Variants in FAF1 observed in about 807,000 individuals in gnomAD.
FAF1 encodes Fas associated factor 1.
A neutral mutation model predicts 92.5 loss-of-function variants in FAF1; 25 were observed. The ratio of observed to expected loss-of-function variants is 0.27; its 90% CI spans 0.20 to 0.38. The LOEUF is 0.38. Among genes scored for constraint, FAF1 ranks in the 10% least tolerant of loss-of-function variants. The probability of loss-of-function intolerance (pLI) is 1.00; values close to 1 mark genes in which losing one functional copy is unlikely to be tolerated. For missense variants in FAF1, 636 were observed against 793.3 expected, an observed-to-expected ratio of 0.80 and a Z score of 2.38; for synonymous variants, 234 against 273.2, an observed-to-expected ratio of 0.86 and a Z score of 1.42.
intron 1 of FAF1, among the ~76,000 whole-genome samples, chr1:50,926,023 C>T (rs962411985): frequency 1.3e-5 from 2 of 152,136 alleles, no homozygotes; most frequent in African/African-American, 4.8e-5. Context: ...GAAGACCAGG[C>T]TGGGTAACAT....
intron 14 of FAF1, among the ~76,000 whole-genome samples, chr1:50,536,358 CTTCTCTCAAACCTA>C: frequency 6.6e-6 from 1 of 152,176 alleles, no homozygotes; most frequent in African/African-American, 2.4e-5. Context: ...TGACAATTCT[CTTCTCTCAAACCTA>C]CAGGCAGAAA....
At chr1:50,849,191 CG>C (rs1292612146) in intron 2 of FAF1, among the ~76,000 whole-genome samples, 1 of 151,102 alleles carries the variant, frequency 6.6e-6, no homozygotes, top group African/African-American at 2.4e-5. Context: ...CGCTTGAACC[CG>C]GGAAGTGGAG....
intron 13 of FAF1, among the ~76,000 whole-genome samples, chr1:50,545,378 C>T (rs1289848117): frequency 6.6e-6 from 1 of 152,040 alleles, no homozygotes; most frequent in African/African-American, 2.4e-5. Context: ...GAGTGATTCT[C>T]CTGCCTCAGC....
chr1:50,662,400 TAAAG>T (rs1443654773), intron 7 of FAF1, among the ~76,000 whole-genome samples: 2 of 152,210 alleles, frequency 1.3e-5, no homozygotes, highest in Non-Finnish European at 2.9e-5. Context: ...TACTTGGCTA[TAAAG>T]AAATTTGACA....
At chr1:50,664,793 CAAAT>C (rs1028052832) in intron 7 of FAF1, among the ~76,000 whole-genome samples, 20 of 120,154 alleles carry the variant, frequency 1.7e-4, no homozygotes, top group African/African-American at 4.7e-4. Context: ...GACTCCGTCT[CAAAT>C]AAACAAACAA....
In FAF1 at chr1:50,662,647, A is replaced by G. The variant is rs142077187; in HGVS notation, c.658-7119T>C. Among the ~76,000 whole-genome samples, 29 of 151,720 alleles carry G rather than the reference A, an allele frequency of 1.9e-4. No individual in the cohort carries two copies. The East Asian group carries it at 5.6e-3, about 29-fold the overall frequency. On this transcript the variant is annotated intron_variant, in intron 7 of 18. Transcript: ENST00000396153. ...AAGTTAGATATTATTTAAAGTAACA[A>G]CTAATAATCACACATTTATTAAAAT... is the stretch of plus-strand genomic sequence containing the variant.
At chr1:50,848,349 C>T (rs1190296535) in intron 2 of FAF1, among the ~76,000 whole-genome samples, 3 of 152,150 alleles carry the variant, frequency 2.0e-5, no homozygotes, top group Admixed American at 6.5e-5. Flanking sequence ...CCGTATAGGG[C>T]TGTTAAATGA....
At chr1:50,651,083 A>T (rs1654842624) in intron 8 of FAF1, among the ~76,000 whole-genome samples, 2 of 152,182 alleles carry the variant, frequency 1.3e-5, no homozygotes, top group Non-Finnish European at 1.5e-5. Context: ...CCCAAGACTG[A>T]AGTCTATTAG....
intron 1 of FAF1, among the ~76,000 whole-genome samples, chr1:50,883,938 A>C (rs1644635689): frequency 6.6e-6 from 1 of 152,030 alleles, no homozygotes; most frequent in Non-Finnish European, 1.5e-5. Context: ...CAGCCTGGCC[A>C]ACATGGAGAA....
At chr1:50,609,538 C>T (rs1270267901) in intron 8 of FAF1, among the ~76,000 whole-genome samples, 1 of 152,168 alleles carries the variant, frequency 6.6e-6, no homozygotes, top group Non-Finnish European at 1.5e-5. Context: ...GCACATGCCA[C>T]CACATCTGGC....
At chr1:50,898,107 A>G (rs1644770447) in intron 1 of FAF1, among the ~76,000 whole-genome samples, 2 of 152,212 alleles carry the variant, frequency 1.3e-5, no homozygotes, top group Admixed American at 1.3e-4. Flanking sequence ...CAGCAACAGC[A>G]TTAGTTTCAA....
At chr1:50,478,198 C>G (rs191759414) in intron 17 of FAF1, among the ~76,000 whole-genome samples, 7 of 145,300 alleles carry the variant, frequency 4.8e-5, no homozygotes, top group Non-Finnish European at 9.2e-5. Flanking sequence ...GAGTTTCACT[C>G]TGTCGCCCAG....
intron 17 of FAF1, among the ~76,000 whole-genome samples, chr1:50,482,292 A>G (rs535780574): frequency 6.6e-6 from 1 of 152,296 alleles, no homozygotes; most frequent in African/African-American, 2.4e-5. Flanking sequence ...TGTTGAATAT[A>G]TCAGTAGTTT....
chr1:50,888,262 T>C (rs1315363853), intron 1 of FAF1, among the ~76,000 whole-genome samples: 1 of 152,218 alleles, frequency 6.6e-6, no homozygotes, highest in African/African-American at 2.4e-5. Flanking sequence ...CTTATCACCT[T>C]AAGGAGATTT....
chr1:50,743,280 C>T (rs939523525), intron 5 of FAF1, among the ~76,000 whole-genome samples: 3 of 152,112 alleles, frequency 2.0e-5, no homozygotes, highest in East Asian at 1.9e-4. Context: ...AAGCCATTCA[C>T]GAAGAAGAAC....
intron 4 of FAF1, chr1:50,780,799 C>A: frequency 2.6e-6 from 1 of 390,158 alleles, no homozygotes; most frequent in South Asian, 2.0e-5. Flanking sequence ...GATGGACTTA[C>A]GGAGTGAGCA....
At chr1:50,647,167 CATT>C (rs992453240) in intron 8 of FAF1, among the ~76,000 whole-genome samples, 2 of 152,092 alleles carry the variant, frequency 1.3e-5, no homozygotes, top group Admixed American at 1.3e-4. Context: ...CGGACTTCTA[CATT>C]TGAGTCCTGG....
chr1:50,951,106 C>T (rs552293813), intron 1 of FAF1, among the ~76,000 whole-genome samples: 18 of 152,308 alleles, frequency 1.2e-4, no homozygotes, highest in African/African-American at 3.9e-4. Flanking sequence ...TGGTGGCACA[C>T]GCCTGTAATC....
chr1:50,461,631 GC>G (rs1232888407), intron 18 of FAF1: 1 of 152,026 alleles, frequency 6.6e-6, no homozygotes, highest in Non-Finnish European at 1.5e-5. Context: ...GAGGAAATAC[GC>G]CTGTCTCTCA....
Sources: allele counts gnomAD v4.1 joint callset (sites outside exome capture counted in the v4.1 genomes callset), GRCh38; gene constraint gnomAD v4.1.1; transcripts MANE v1.5; gene names NCBI Gene and HGNC (gene_info 2026-07-23, HGNC 2026-07-21).